The following MBTPS1 variants were observed in gnomAD, a reference collection of about 807,000 sequenced individuals.
The protein encoded by MBTPS1 is membrane bound transcription factor peptidase, site 1.
A neutral mutation model predicts 127.8 loss-of-function variants in MBTPS1; 94 were observed. The observed-to-expected ratio is 0.74, with a 90% CI of 0.62 to 0.87. The LOEUF (loss-of-function observed/expected upper bound fraction) is 0.87, where lower values mean the gene tolerates loss of function less well. Among genes scored for constraint, MBTPS1 ranks in the 40% least tolerant of loss-of-function variants. The probability of loss-of-function intolerance (pLI) is 0.00; values close to 1 mark genes in which losing one functional copy is unlikely to be tolerated. For missense variants in MBTPS1, 1,636 were observed against 1,353.2 expected, an observed-to-expected ratio of 1.21 and a Z score of -3.28; for synonymous variants, 632 against 509.4, an observed-to-expected ratio of 1.24 and a Z score of -3.24.
At chr16:84,066,971 T>C (rs1367163730) in intron 16 of MBTPS1, among the ~76,000 whole-genome samples, 1 of 152,142 alleles carries the variant, frequency 6.6e-6, no homozygotes, top group Non-Finnish European at 1.5e-5. Context: ...ATTCAAAACA[T>C]AAAGGTGATT....
intron 8 of MBTPS1, among the ~76,000 whole-genome samples, chr16:84,088,929 G>C (rs1597334891): frequency 1.3e-5 from 2 of 152,350 alleles, no homozygotes; most frequent in East Asian, 1.9e-4. Context: ...TACACACAAG[G>C]TGGAGATGGG....
In MBTPS1 at chr16:84,054,104, T is replaced by A; in HGVS notation, c.*345A>T. Reference sequence around the variant, plus strand: ...CTTTAACAAGCGTCTTTTAGCTTGGTCAGGGTTGTATCATTTGTTTGGAAA... The same window carrying A: ...CTTTAACAAGCGTCTTTTAGCTTGGACAGGGTTGTATCATTTGTTTGGAAA... On this transcript the variant is annotated 3_prime_UTR_variant, in exon 23 of 23. Transcript: ENST00000343411. 1 of 192,654 alleles carries A rather than the reference T, an allele frequency of 5.2e-6. No homozygotes were observed. Among genetic ancestry groups the A allele is most frequent in the Non-Finnish European group, 1.1e-5 (1 of 93,686 alleles). The allele number at this position is 192,654 out of a possible 1,614,324, so 11.9% of individuals were successfully genotyped here.
intron 2 of MBTPS1, 63 bp from the exon 3 acceptor site, chr16:84,099,373 T>C (rs977144813): frequency 1.3e-6 from 2 of 1,484,816 alleles, no homozygotes; most frequent in Non-Finnish European, 1.8e-6. Flanking sequence ...ATATACTATA[T>C]TGTATCTAAT....
At chr16:84,072,732 G>A (rs961984954) in intron 12 of MBTPS1, among the ~76,000 whole-genome samples, 61 of 152,188 alleles carry the variant, frequency 4.0e-4, no homozygotes, top group South Asian at 4.1e-4. Context: ...GGAGCTTGCA[G>A]TGAGCCGAGA....
At chr16:84,108,304 G>A (rs942535090) in intron 1 of MBTPS1, among the ~76,000 whole-genome samples, 6 of 152,092 alleles carry the variant, frequency 3.9e-5, no homozygotes, top group African/African-American at 1.4e-4. Context: ...TCACTTTGCT[G>A]CCCAGGCTGG....
intron 4 of MBTPS1, among the ~76,000 whole-genome samples, chr16:84,094,443 G>C (rs1365029475): frequency 6.6e-6 from 1 of 152,084 alleles, no homozygotes; most frequent in African/African-American, 2.4e-5. Context: ...GTCTATTCCA[G>C]ATACTGGCCA....
intron 19 of MBTPS1, 74 bp from the exon 20 acceptor site, chr16:84,060,887 G>A: frequency 2.1e-6 from 3 of 1,423,250 alleles, no homozygotes; most frequent in Non-Finnish European, 1.9e-6. Flanking sequence ...GTCACCCAGT[G>A]CAGTGGCGCA....
In MBTPS1 at chr16:84,093,805, A is replaced by C; in HGVS notation, c.642T>G (p.Val214=). 6.2e-7 allele frequency: 1 copy of C among 1,610,678 alleles called. No individual in the cohort carries two copies. Among genetic ancestry groups the C allele is most frequent in the Non-Finnish European group, 8.5e-7 (1 of 1,176,806 alleles). The stretch of plus-strand genomic sequence containing the variant: ...CGCTCAGCCCAGTGTCAAAAACAGC[A>C]ACTCTTACATTAGCACCTTATTCGG... ...QMGYTGANVR[V]AVFDTGLSEK... Residue 214 remains valine (V), a synonymous_variant, in exon 5 of 23, where the codon GTT becomes GTG. Coordinates refer to ENST00000343411, the MANE Select transcript of MBTPS1 (RefSeq NM_003791.4).
In MBTPS1 at chr16:84,065,682, T is replaced by A. The variant is rs1597308907; in HGVS notation, c.2431+8A>T. 1.9e-6 allele frequency: 3 copies of A among 1,606,300 alleles called. No individual in the cohort carries two copies. The highest frequency in any genetic ancestry group is 1.1e-5 in the South Asian group (1 of 90,864). On this transcript the variant is annotated splice_region_variant and intron_variant, in intron 18 of 22. Coordinates refer to ENST00000343411, the MANE Select transcript of MBTPS1 (RefSeq NM_003791.4). ...AGAAGCAAAAGGCCCATGAATGGCA[T>A]CCTTTACCTTGGTCCTTGAAAGTCT...
At chr16:84,070,200 C>T (rs761247371) in intron 13 of MBTPS1, among the ~76,000 whole-genome samples, 162 bp from the exon 14 acceptor site, 5 of 152,184 alleles carry the variant, frequency 3.3e-5, no homozygotes, top group Non-Finnish European at 5.9e-5. Context: ...ATAACTAAGT[C>T]CATTCAAACA....
rs533271649 is a variant in MBTPS1 at position 84,089,188 on chromosome 16, C to T, written c.1031+1687G>A. On this transcript the variant is annotated intron_variant, in intron 8 of 22. Coordinates refer to ENST00000343411, the MANE Select transcript of MBTPS1 (RefSeq NM_003791.4). ...AGGACACTCATTCCAGGAAGGTGTA[C>T]ATGGGGAAGTGGAAGATCAAGGTGA... is the stretch of plus-strand genomic sequence containing the variant. Among the ~76,000 whole-genome samples the T allele has an allele frequency of 2.0e-5, 3 of 152,344 alleles. No individual in the cohort carries two copies. In the East Asian group the frequency reaches 5.8e-4, roughly 29 times the overall value.
At chr16:84,072,369 AAGG>A (rs1475035022) in intron 12 of MBTPS1, among the ~76,000 whole-genome samples, 2 of 152,194 alleles carry the variant, frequency 1.3e-5, no homozygotes, top group South Asian at 2.1e-4. Flanking sequence ...AATGTTCCTG[AAGG>A]AGATGTTGGC....
chr16:84,056,275 C>T (rs939674054), intron 21 of MBTPS1, 140 bp from the exon 22 acceptor site: 30 of 642,840 alleles, frequency 4.7e-5, no homozygotes, highest in Non-Finnish European at 7.4e-5. Context: ...TCCACGGCCA[C>T]CTAAATGCCA....
At position 84,099,206 on chromosome 16, in the gene MBTPS1, G is replaced by A. The variant is rs34076105; in HGVS notation, c.268C>T (p.Arg90Ter). The change falls in exon 3 of 23, where the codon CGA (arginine) becomes TGA (stop). Residue 90 changes from arginine to a stop codon, truncating the protein, a stop_gained. Transcript: ENST00000343411. LOFTEE classifies it high-confidence loss of function. ...SEVDNWRIIP[R>*]NNPSSDYPSD... Reference sequence around the variant, plus strand: ...GGGTAGTCACTGGATGGATTGTTTCGAGGTATAATTCTCCAATTGTCTACT... The same window carrying A: ...GGGTAGTCACTGGATGGATTGTTTCAAGGTATAATTCTCCAATTGTCTACT... 7 of 1,614,080 alleles carry A rather than the reference G, an allele frequency of 4.3e-6. No homozygotes were observed. The highest frequency in any genetic ancestry group is 2.2e-5 in the East Asian group (1 of 44,882).
At chr16:84,066,329 G>C (rs2085682380) in intron 17 of MBTPS1, among the ~76,000 whole-genome samples, 160 bp downstream of exon 17, 1 of 152,176 alleles carries the variant, frequency 6.6e-6, no homozygotes, top group South Asian at 2.1e-4. Context: ...GACAAAACTA[G>C]AGCCTCACAG....
intron 8 of MBTPS1, 113 bp downstream of exon 8, chr16:84,090,762 G>T: frequency 1.3e-6 from 1 of 798,144 alleles, no homozygotes; most frequent in Non-Finnish European, 2.1e-6. Context: ...CTTAAGACAA[G>T]TTTTAGACAG....
At position 84,056,155 on chromosome 16, in the gene MBTPS1, A is replaced by G. The variant is rs1356558754; in HGVS notation, c.2832-20T>C. 1.2e-6 allele frequency: 2 copies of G among 1,609,788 alleles called. No individual in the cohort carries two copies. The highest frequency in any genetic ancestry group is 4.5e-5 in the East Asian group (2 of 44,806). On this transcript the variant is annotated intron_variant, in intron 21 of 22. Coordinates refer to ENST00000343411, the MANE Select transcript of MBTPS1 (RefSeq NM_003791.4). Reference sequence around the variant, plus strand: ...AGGTTACTTCAGGAAAATGGATTAAAACAAAACAAAAATAAGCCATTGTAC... The same window carrying G: ...AGGTTACTTCAGGAAAATGGATTAAGACAAAACAAAAATAAGCCATTGTAC...
Position 84,063,206 on chromosome 16 carries a change from T to A in MBTPS1, c.2572+99A>T, listed in dbSNP as rs1297376810. ...TGAGCCTGGCTCAAGTGAACAGATG[T>A]CGGCTGATCTGCCAGCATCTCACGG... On this transcript the variant is annotated intron_variant, in intron 19 of 22. Transcript: ENST00000343411. The A allele has an allele frequency of 3.1e-6, 4 of 1,279,694 alleles. No homozygotes were observed. In the African/African-American group the frequency reaches 4.4e-5, roughly 14 times the overall value. 79.3% of individuals were successfully genotyped at this position (1,279,694 alleles called of 1,614,324 possible).
chr16:84,069,633 G>A (rs749266834), intron 14 of MBTPS1, among the ~76,000 whole-genome samples: 1 of 152,226 alleles, frequency 6.6e-6, no homozygotes, highest in African/African-American at 2.4e-5. Context: ...CGCAATGGGA[G>A]AAGGAAGGAA....
Sources: gnomAD v4.1 joint callset for allele counts (sites outside exome capture counted in the v4.1 genomes callset) on GRCh38, gnomAD v4.1.1 for gene constraint, MANE v1.5 for transcripts, NCBI Gene and HGNC (gene_info 2026-07-23, HGNC 2026-07-21) for gene names.